Variants in FAM241A observed in about 807,000 individuals in gnomAD.
The protein encoded by FAM241A is uncharacterized protein FAM241A.
FAM241A carries 7 observed loss-of-function variants against 12.2 expected under a neutral mutation model. That is an observed-to-expected ratio of 0.58 (90% CI 0.33 to 1.08). FAM241A has a LOEUF of 1.08. Ranked by LOEUF, FAM241A falls within the 50% of genes least tolerant of loss-of-function variation. The pLI is 0.04. For synonymous variants in FAM241A, 74 were observed against 68.2 expected, an observed-to-expected ratio of 1.08 and a Z score of -0.42; for missense variants, 161 against 169.7, an observed-to-expected ratio of 0.95 and a Z score of 0.29.
In FAM241A at chr4:112,145,986, C is replaced by G. The variant is rs192380718; in HGVS notation, c.153+253C>G. Among the ~76,000 whole-genome samples the G allele has an allele frequency of 3.9e-3, 595 of 152,180 alleles. 7 individuals carry two copies. The highest frequency in any genetic ancestry group is 0.014 in the African/African-American group (572 of 41,544). On this transcript the variant is annotated intron_variant, in intron 1 of 1. Transcript: ENST00000309733. ...CGTGTCTGGCGGGGTCAGCGTGGTT[C>G]GTCCCCTGGCGTCCGGCAGAGGATT...
chr4:112,150,787 T>C (rs973935688), intron 1 of FAM241A, among the ~76,000 whole-genome samples: 1 of 152,232 alleles, frequency 6.6e-6, no homozygotes, highest in Non-Finnish European at 1.5e-5. Flanking sequence ...TGGGCTGCAG[T>C]TTCTGCATCT....
chr4:112,173,430 C>G (rs187511492), intron 1 of FAM241A, among the ~76,000 whole-genome samples: 2 of 152,252 alleles, frequency 1.3e-5, no homozygotes, highest in African/African-American at 4.8e-5. Flanking sequence ...ATTTGGGTTT[C>G]TGGTTAACTT....
intron 1 of FAM241A, among the ~76,000 whole-genome samples, chr4:112,182,677 A>G (rs576807077): frequency 6.6e-6 from 1 of 152,262 alleles, no homozygotes; most frequent in South Asian, 2.1e-4. Flanking sequence ...TTAAATTTTC[A>G]GGAACTTTTT....
Position 112,188,856 on chromosome 4 carries a change from C to T in FAM241A, c.*1918C>T, listed in dbSNP as rs895465231. 1 of 151,988 alleles carries T rather than the reference C, an allele frequency of 6.6e-6. No individual in the cohort carries two copies. Among genetic ancestry groups the T allele is most frequent in the Non-Finnish European group, 1.5e-5 (1 of 67,982 alleles). 9.4% of individuals were successfully genotyped at this position (151,988 alleles called of 1,614,324 possible). The stretch of plus-strand genomic sequence containing the variant: ...ATACTGTCAGTACTGTACATCTGCA[C>T]ACTGGTGTTAATAGGGTATATATTA... On this transcript the variant is annotated 3_prime_UTR_variant, in exon 2 of 2. Transcript: ENST00000309733.
intron 1 of FAM241A, among the ~76,000 whole-genome samples, chr4:112,154,004 A>G (rs1432052038): frequency 6.6e-6 from 1 of 152,048 alleles, no homozygotes; most frequent in East Asian, 1.9e-4. Flanking sequence ...TTTGTTTTGT[A>G]TCCTCTTAAT....
intron 1 of FAM241A, among the ~76,000 whole-genome samples, chr4:112,158,221 T>G (rs912098779): frequency 4.6e-5 from 7 of 152,140 alleles, no homozygotes; most frequent in Admixed American, 1.3e-4. Context: ...ATTCGCTATT[T>G]GGAAATCAAA....
At chr4:112,163,004 A>T (rs1054937901) in intron 1 of FAM241A, among the ~76,000 whole-genome samples, 1 of 152,164 alleles carries the variant, frequency 6.6e-6, no homozygotes, top group Non-Finnish European at 1.5e-5. Context: ...AAATAATACC[A>T]CACATCTACA....
chr4:112,186,169 TA>T (rs1373181609), intron 1 of FAM241A, among the ~76,000 whole-genome samples: 1 of 152,162 alleles, frequency 6.6e-6, no homozygotes, highest in Admixed American at 6.5e-5. Flanking sequence ...AAATTTGTAT[TA>T]AAACTATTTG....
Position 112,148,404 on chromosome 4 carries a change from A to C in FAM241A, c.153+2671A>C, listed in dbSNP as rs1471263326. On this transcript the variant is annotated intron_variant, in intron 1 of 1. Transcript: ENST00000309733. ...AACATAGGTGTTTTATTACTAGTTA[A>C]GATATTGTCTGCATCATTTTTAACA... 3.3e-5 allele frequency among the ~76,000 whole-genome samples: 5 copies of C among 152,288 alleles called. No homozygotes were observed. In the East Asian group the frequency reaches 9.6e-4, roughly 29 times the overall value.
chr4:112,180,258 C>T (rs977444012), intron 1 of FAM241A, among the ~76,000 whole-genome samples: 3 of 152,014 alleles, frequency 2.0e-5, no homozygotes, highest in Non-Finnish European at 4.4e-5. Context: ...GGGTACTATG[C>T]TCACTGCCTG....
At chr4:112,168,169 A>G (rs1723637917) in intron 1 of FAM241A, among the ~76,000 whole-genome samples, 1 of 152,256 alleles carries the variant, frequency 6.6e-6, no homozygotes. Context: ...ATACTTTGTT[A>G]TGAAATAAGG....
At position 112,192,309 on chromosome 4, in the gene FAM241A, T is replaced by C. The variant is rs1054873828; in HGVS notation, c.*5371T>C. On this transcript the variant is annotated 3_prime_UTR_variant, in exon 2 of 2. Coordinates refer to ENST00000309733, the MANE Select transcript of FAM241A (RefSeq NM_152400.3). ...TTTGTTCAGTATTTTTTAATAGACC[T>C]TTATTTACTACATTTTAATTTTTTA... The C allele has an allele frequency of 1.3e-5, 2 of 152,140 alleles. No homozygotes were observed. Among genetic ancestry groups the C allele is most frequent in the African/African-American group, 2.4e-5 (1 of 41,420 alleles). The allele number at this position is 152,140 out of a possible 1,614,324, so 9.4% of individuals were successfully genotyped here. A position where few individuals can be genotyped will look rare whatever the true frequency, so the allele number is the denominator to read the frequency against.
intron 1 of FAM241A, among the ~76,000 whole-genome samples, chr4:112,157,936 T>TA (rs1322864977): frequency 1.3e-5 from 2 of 152,136 alleles, no homozygotes; most frequent in African/African-American, 4.8e-5. Flanking sequence ...ACATTTCATT[T>TA]AAGCTTTTAA....
rs779444867 is a variant in FAM241A at position 112,189,719 on chromosome 4, T to C, written c.*2781T>C. 1 of 152,216 alleles carries C rather than the reference T, an allele frequency of 6.6e-6. No homozygotes were observed. Among genetic ancestry groups the C allele is most frequent in the Non-Finnish European group, 1.5e-5 (1 of 68,034 alleles). 9.4% of individuals were successfully genotyped at this position (152,216 alleles called of 1,614,324 possible). ...AGTCCAGTAGTGTGCTGGAGCAAGC[T>C]TGCACTGGCTTACAAGAGCCAACTG... is the stretch of plus-strand genomic sequence containing the variant. On this transcript the variant is annotated 3_prime_UTR_variant, in exon 2 of 2. Transcript: ENST00000309733.
At chr4:112,174,739 T>C (rs1330907606) in intron 1 of FAM241A, among the ~76,000 whole-genome samples, 1 of 152,084 alleles carries the variant, frequency 6.6e-6, no homozygotes, top group Non-Finnish European at 1.5e-5. Context: ...CAGGAGCAAT[T>C]ATGGTAGGAT....
rs1365746854 is a variant in FAM241A, at chr4:112,193,603, G to T, written c.*6665G>T. 1 of 152,148 alleles carries T rather than the reference G, an allele frequency of 6.6e-6. No homozygotes were observed. The highest frequency in any genetic ancestry group is 6.5e-5 in the Admixed American group (1 of 15,284). 9.4% of individuals were successfully genotyped at this position (152,148 alleles called of 1,614,324 possible). ...TTCCCAGCACCATTTATTCAATAGG[G>T]AATCCTTTCCCCATTGCTTGTTTTT... On this transcript the variant is annotated 3_prime_UTR_variant, in exon 2 of 2. Transcript: ENST00000309733.
intron 1 of FAM241A, among the ~76,000 whole-genome samples, chr4:112,158,085 C>T (rs1723389383): frequency 6.6e-6 from 1 of 151,928 alleles, no homozygotes; most frequent in Non-Finnish European, 1.5e-5. Context: ...AGATATCAAA[C>T]TTTGTCCTTC....
chr4:112,187,908 CA>C lies in FAM241A; in HGVS notation c.*971del, dbSNP rs150430389. ...GTTGTTTTCAGGAAAAAAATCAGAT[CA>C]TTTTTCTTTGATATCTATATCAGAA... On this transcript the variant is annotated 3_prime_UTR_variant, in exon 2 of 2. Transcript: ENST00000309733. The C allele has an allele frequency of 0.08, 12,084 of 151,958 alleles. 562 individuals are homozygous for C. Among genetic ancestry groups the C allele is most frequent in the African/African-American group, 0.1 (4,336 of 41,450 alleles). 9.4% of individuals were successfully genotyped at this position (151,958 alleles called of 1,614,324 possible). A position where few individuals can be genotyped will look rare whatever the true frequency, so the allele number is the denominator to read the frequency against.
At chr4:112,164,180 G>T (rs533576153) in intron 1 of FAM241A, among the ~76,000 whole-genome samples, 1 of 151,684 alleles carries the variant, frequency 6.6e-6, no homozygotes, top group African/African-American at 2.4e-5. Flanking sequence ...TAGTTAATCG[G>T]TGCAGCACAC....
Sources: gnomAD v4.1 joint callset for allele counts (sites outside exome capture counted in the v4.1 genomes callset) on GRCh38, gnomAD v4.1.1 for gene constraint, MANE v1.5 for transcripts, NCBI Gene and HGNC (gene_info 2026-07-23, HGNC 2026-07-21) for gene names.